FMN1: variants seen among roughly 807,000 people sequenced by gnomAD.
The protein encoded by FMN1 is formin-1.
Under a neutral mutation model 132.4 loss-of-function variants are expected in FMN1, and 110 were observed. That is an observed-to-expected ratio of 0.83 (90% CI 0.71 to 0.97). The LOEUF (loss-of-function observed/expected upper bound fraction) is 0.97. Among genes scored for constraint, FMN1 ranks in the 50% least tolerant of loss-of-function variants. FMN1 has a pLI of 0.00. For synonymous variants in FMN1, 722 were observed against 651.7 expected, an observed-to-expected ratio of 1.11 and a Z score of -1.64; for missense variants, 1,792 against 1,705.3, an observed-to-expected ratio of 1.05 and a Z score of -0.90.
chr15:32,866,094 G>T (rs564903255), intron 16 of FMN1, among the ~76,000 whole-genome samples: 1 of 151,662 alleles, frequency 6.6e-6, no homozygotes, highest in Admixed American at 6.6e-5. Flanking sequence ...GGCGGGAGTG[G>T]GGAGGGATAG....
intron 7 of FMN1, among the ~76,000 whole-genome samples, chr15:33,005,080 C>A (rs28436666): frequency 0.1 from 15,858 of 151,868 alleles, 1,121 homozygotes; most frequent in Middle Eastern, 0.19. Context: ...AGGAGATATA[C>A]CTAATGCTAA....
chr15:32,873,658 G>C (rs908431661), intron 16 of FMN1, among the ~76,000 whole-genome samples: 1 of 152,152 alleles, frequency 6.6e-6, no homozygotes, highest in East Asian at 1.9e-4. Context: ...GGGGAGTTCT[G>C]GGCAGGGCTG....
At chr15:33,075,195 G>A (rs1465286961) in intron 5 of FMN1, among the ~76,000 whole-genome samples, 1 of 151,912 alleles carries the variant, frequency 6.6e-6, no homozygotes, top group East Asian at 1.9e-4. Context: ...ATTGTTACGC[G>A]GCATACACTA....
rs1250806953 is a variant in FMN1 at position 32,773,436 on chromosome 15, T to A, written c.*874A>T. The A allele has an allele frequency of 5.9e-5, 9 of 152,120 alleles. No individual in the cohort carries two copies. Among genetic ancestry groups the A allele is most frequent in the Non-Finnish European group, 1.3e-4 (9 of 68,052 alleles). 9.4% of individuals were successfully genotyped at this position (152,120 alleles called of 1,614,324 possible). ...TGCGTATCAACACAACATTGCCCAT[T>A]CATGAACGGTCCAAAATGTAAAAGG... On this transcript the variant is annotated 3_prime_UTR_variant, in exon 21 of 21. Transcript: ENST00000616417.
intron 17 of FMN1, among the ~76,000 whole-genome samples, chr15:32,808,718 C>T (rs1031039184): frequency 2.1e-4 from 32 of 152,242 alleles, no homozygotes; most frequent in African/African-American, 7.5e-4. Flanking sequence ...ATGGGCATTC[C>T]AGAATGGCAG....
intron 16 of FMN1, among the ~76,000 whole-genome samples, chr15:32,875,675 C>A (rs1480204754): frequency 1.3e-5 from 2 of 152,176 alleles, no homozygotes; most frequent in African/African-American, 2.4e-5. Context: ...TTTGCAGGGG[C>A]TAAGGAGGTC....
chr15:33,082,459 T>A (rs2038520237), intron 5 of FMN1, among the ~76,000 whole-genome samples: 1 of 152,186 alleles, frequency 6.6e-6, no homozygotes, highest in South Asian at 2.1e-4. Flanking sequence ...AGGCCATACC[T>A]CTTTTTAGGG....
chr15:32,776,785 A>C, intron 20 of FMN1, 50 bp downstream of exon 20: 1 of 1,132,436 alleles, frequency 8.8e-7, no homozygotes, highest in Non-Finnish European at 1.3e-6. Flanking sequence ...TCCTGGGCGC[A>C]CCTCAATTTT....
intron 19 of FMN1, among the ~76,000 whole-genome samples, chr15:32,789,225 A>G (rs993817992): frequency 3.9e-5 from 6 of 152,244 alleles, no homozygotes; most frequent in African/African-American, 1.4e-4. Flanking sequence ...TAAAAGAGAA[A>G]GTGCCTATAA....
intron 3 of FMN1, among the ~76,000 whole-genome samples, chr15:33,169,723 CTT>C (rs1157460472): frequency 7.7e-6 from 1 of 129,450 alleles, no homozygotes; most frequent in African/African-American, 2.9e-5. Context: ...TATAAAAAGC[CTT>C]TTTTTTTTCT....
intron 4 of FMN1, among the ~76,000 whole-genome samples, chr15:33,097,710 T>C (rs758230498): frequency 5.9e-5 from 9 of 152,184 alleles, no homozygotes; most frequent in Non-Finnish European, 1.2e-4. Flanking sequence ...AGACATAACA[T>C]GCCTACATTT....
chr15:32,886,641 T>C (rs2059904210), intron 16 of FMN1, among the ~76,000 whole-genome samples: 1 of 152,150 alleles, frequency 6.6e-6, no homozygotes, highest in African/African-American at 2.4e-5. Flanking sequence ...GGGATCAGGT[T>C]TCGGCTCAAA....
intron 3 of FMN1, among the ~76,000 whole-genome samples, chr15:33,170,513 A>C (rs1189892604): frequency 1.3e-5 from 2 of 152,030 alleles, no homozygotes; most frequent in African/African-American, 4.8e-5. Flanking sequence ...CTGACAAGAA[A>C]CAAACATACA....
intron 4 of FMN1, among the ~76,000 whole-genome samples, chr15:33,148,380 C>T (rs558887659): frequency 6.6e-6 from 1 of 152,292 alleles, no homozygotes; most frequent in Non-Finnish European, 1.5e-5. Flanking sequence ...TGGCATAATT[C>T]ATCCCCCTCA....
intron 4 of FMN1, among the ~76,000 whole-genome samples, chr15:33,127,912 A>G (rs1963256061): frequency 6.8e-6 from 1 of 146,776 alleles, no homozygotes; most frequent in Admixed American, 7.0e-5. Flanking sequence ...CAACAAATGG[A>G]GACAGATGGA....
intron 17 of FMN1, among the ~76,000 whole-genome samples, chr15:32,817,973 G>A (rs2058102369): frequency 6.6e-6 from 1 of 152,114 alleles, no homozygotes; most frequent in South Asian, 2.1e-4. Flanking sequence ...TCAAACCTTT[G>A]TATTTTCCCC....
At position 32,865,844 on chromosome 15, in the gene FMN1, A is replaced by T. The variant is rs868696267; in HGVS notation, c.3836-8737T>A. On this transcript the variant is annotated intron_variant, in intron 16 of 20. Coordinates refer to ENST00000616417, the MANE Select transcript of FMN1 (RefSeq NM_001277313.2). ...AGAGTGAAACTCCACCTCAAAAAAA[A>T]AAAAAAAAATAAAATAAAATAAAAT... 7.9e-4 allele frequency among the ~76,000 whole-genome samples: 106 copies of T among 134,270 alleles called. 1 individual carries two copies. In the South Asian group the frequency reaches 0.014, roughly 18 times the overall value. The allele number at this position is 134,270 out of a possible 152,430, so 88.1% of individuals were successfully genotyped here. A position where few individuals can be genotyped will look rare whatever the true frequency, so the allele number is the denominator to read the frequency against.
chr15:33,087,810 T>TACATATAC (rs1458649594), intron 5 of FMN1, among the ~76,000 whole-genome samples: 130 of 123,788 alleles, frequency 1.1e-3, no homozygotes, highest in Middle Eastern at 4.0e-3. Context: ...TATATACATA[T>TACATATAC]ACACATATAT....
At chr15:33,024,488 C>T (rs1220951506) in intron 6 of FMN1, among the ~76,000 whole-genome samples, 3 of 151,958 alleles carry the variant, frequency 2.0e-5, no homozygotes, top group Non-Finnish European at 2.9e-5. Flanking sequence ...CCTCGCAATC[C>T]GCCCACCTCG....
Sources: gnomAD v4.1 joint callset for allele counts (sites outside exome capture counted in the v4.1 genomes callset) on GRCh38, gnomAD v4.1.1 for gene constraint, MANE v1.5 for transcripts, NCBI Gene and HGNC (gene_info 2026-07-23, HGNC 2026-07-21) for gene names.